The following ZNF547 variants were observed in gnomAD, a reference collection of about 807,000 sequenced individuals.
ZNF547 encodes zinc finger protein 547.
In ZNF547, 4 loss-of-function variants were observed where a neutral mutation model predicts 7.7. The ratio of observed to expected loss-of-function variants is 0.52; its 90% CI spans 0.26 to 1.20. The LOEUF (loss-of-function observed/expected upper bound fraction) is 1.20, where lower values mean the gene tolerates loss of function less well. Ranked by LOEUF, ZNF547 falls within the 50% of genes most tolerant of loss-of-function variation. The pLI is 0.14. For missense variants in ZNF547, 449 were observed against 485.8 expected (o/e 0.92, Z 0.71); for synonymous variants, 166 against 166.2 (o/e 1.00, Z 0.01).
rs1221162862 is a variant in ZNF547 at position 57,378,036 on chromosome 19, T to G, written c.1060T>G (p.Cys354Gly). ...RVHTGERPYE[C>G]SECGKAFLTK... is the part of the protein sequence containing the mutation. Reference sequence around the variant, plus strand: ...TCACACTGGAGAACGGCCTTATGAATGCAGTGAGTGTGGGAAGGCCTTCCT... The same window carrying G: ...TCACACTGGAGAACGGCCTTATGAAGGCAGTGAGTGTGGGAAGGCCTTCCT... The change falls in exon 4 of 4, where the codon TGC becomes GGC. Residue 354 changes from cysteine to glycine, a missense_variant. By Grantham distance (159) the Cys-to-Gly change is radical (BLOSUM62 -3). Coordinates refer to ENST00000282282, the MANE Select transcript of ZNF547 (RefSeq NM_173631.4). 7 of 1,614,150 alleles carry G rather than the reference T, an allele frequency of 4.3e-6. No homozygotes were observed. The highest frequency in any genetic ancestry group is 5.1e-6 in the Non-Finnish European group (6 of 1,180,026).
Position 57,378,048 on chromosome 19 carries a change from G to T in ZNF547, c.1072G>T (p.Gly358Trp). ...GERPYECSEC[G>W]KAFLTKSHLI... ...ACGGCCTTATGAATGCAGTGAGTGTGGGAAGGCCTTCCTTACAAAGTCCCA... is the reference window on the plus strand; with the variant it reads ...ACGGCCTTATGAATGCAGTGAGTGTTGGAAGGCCTTCCTTACAAAGTCCCA... Residue 358 changes from glycine to tryptophan, a missense_variant, in exon 4 of 4, where the codon GGG becomes TGG. Gly to Trp is a radical substitution (Grantham distance 184, BLOSUM62 -2). Coordinates refer to ENST00000282282, the MANE Select transcript of ZNF547 (RefSeq NM_173631.4). 6.2e-7 allele frequency: 1 copy of T among 1,614,088 alleles called. No individual in the cohort carries two copies. Among genetic ancestry groups the T allele is most frequent in the Non-Finnish European group, 8.5e-7 (1 of 1,180,018 alleles).
Position 57,371,831 on chromosome 19 carries a change from G to C in ZNF547, c.74G>C (p.Trp25Ser), listed in dbSNP as rs750936805. Residue 25 changes from tryptophan to serine, a missense_variant, in exon 3 of 4, where the codon TGG (tryptophan) becomes TCG (serine). Transcript: ENST00000282282. ...DVAIYFSQEE[W>S]GHLDEAQRLL... ...GCCATATATTTCTCCCAGGAGGAGT[G>C]GGGGCATCTCGATGAGGCTCAGAGA... 4 of 1,613,420 alleles carry C rather than the reference G, an allele frequency of 2.5e-6. No individual in the cohort carries two copies. Among genetic ancestry groups the C allele is most frequent in the South Asian group, 1.1e-5 (1 of 91,034 alleles).
rs554737042 is a variant in ZNF547, at chr19:57,378,287, C to T, written c.*102C>T. ...CTGGAGAAAGACTGAATGCCGTGAA[C>T]GTGGGTAATTATGTAGGTACAGCTC... On this transcript the variant is annotated 3_prime_UTR_variant, in exon 4 of 4. Coordinates refer to ENST00000282282, the MANE Select transcript of ZNF547 (RefSeq NM_173631.4). 127 of 1,084,034 alleles carry T rather than the reference C, an allele frequency of 1.2e-4. No homozygotes were observed. The highest frequency in any genetic ancestry group is 1.7e-4 in the East Asian group (7 of 40,724). The allele number at this position is 1,084,034 out of a possible 1,614,324, so 67.2% of individuals were successfully genotyped here. A position where few individuals can be genotyped will look rare whatever the true frequency, so the allele number is the denominator to read the frequency against.
rs551347309 is a variant in ZNF547 at position 57,367,563 on chromosome 19, A to G, written c.-12-981A>G. Among the ~76,000 whole-genome samples, 150 of 152,240 alleles carry G rather than the reference A, an allele frequency of 9.9e-4. 1 individual carries two copies. The highest frequency in any genetic ancestry group is 3.4e-3 in the African/African-American group (141 of 41,542). The stretch of plus-strand genomic sequence containing the variant: ...GAGAGAGCTGATACTTGGGGTTCAC[A>G]CCATAGGTGGAGCCATAAGCCAGAT... On this transcript the variant is annotated intron_variant, in intron 1 of 3. Coordinates refer to ENST00000282282, the MANE Select transcript of ZNF547 (RefSeq NM_173631.4).
intron 2 of ZNF547, chr19:57,371,527 G>A: frequency 2.4e-6 from 1 of 416,622 alleles, no homozygotes; most frequent in East Asian, 4.0e-5. Flanking sequence ...TGGGCTATTG[G>A]GACTGTCCCT....
In ZNF547 at chr19:57,377,377, C is replaced by G; in HGVS notation, c.401C>G (p.Ser134Cys). Residue 134 changes from serine to cysteine, a missense_variant, in exon 4 of 4, where the codon TCT (serine) becomes TGT (cysteine). Coordinates refer to ENST00000282282, the MANE Select transcript of ZNF547 (RefSeq NM_173631.4). ...AAGGAGCAGATTAGAGAGAAACTTT[C>G]TAGAGGGGATGGAGGAAGACCGACA... ...HQKEQIREKL[S>C]RGDGGRPTFV... 1 of 1,614,214 alleles carries G rather than the reference C, an allele frequency of 6.2e-7. No homozygotes were observed. The highest frequency in any genetic ancestry group is 8.5e-7 in the Non-Finnish European group (1 of 1,180,030).
intron 1 of ZNF547, among the ~76,000 whole-genome samples, chr19:57,365,873 T>TA (rs1028936699): frequency 5.4e-5 from 8 of 148,830 alleles, no homozygotes; most frequent in African/African-American, 2.1e-4. Context: ...TTTTTTTTTT[T>TA]TCTTTTGAGA....
At chr19:57,377,035 C>A in intron 3 of ZNF547, 93 bp from the exon 4 acceptor site, 1 of 1,294,294 alleles carries the variant, frequency 7.7e-7, no homozygotes, top group Non-Finnish European at 1.1e-6. Flanking sequence ...ATTCCATGAT[C>A]ATTTTCATGG....
chr19:57,364,684 T>C, intron 1 of ZNF547: 1 of 673,190 alleles, frequency 1.5e-6, no homozygotes, highest in South Asian at 1.8e-5. Flanking sequence ...GAGATTGCAG[T>C]GAGCCAAGAT....
Position 57,378,770 on chromosome 19 carries a change from T to C in ZNF547, c.*585T>C. ...GTCTTGTTTAATACTTGAAGTACATTAACATTGTTGAGCAAAGAATATCCT... is the reference window on the plus strand; with the variant it reads ...GTCTTGTTTAATACTTGAAGTACATCAACATTGTTGAGCAAAGAATATCCT... On this transcript the variant is annotated 3_prime_UTR_variant, in exon 4 of 4. Coordinates refer to ENST00000282282, the MANE Select transcript of ZNF547 (RefSeq NM_173631.4). 1 of 452,928 alleles carries C rather than the reference T, an allele frequency of 2.2e-6. No individual in the cohort carries two copies. Among genetic ancestry groups the C allele is most frequent in the South Asian group, 1.6e-5 (1 of 61,460 alleles). The allele number at this position is 452,928 out of a possible 1,614,324, so 28.1% of individuals were successfully genotyped here. A position where few individuals can be genotyped will look rare whatever the true frequency, so the allele number is the denominator to read the frequency against.
Position 57,378,709 on chromosome 19 carries a change from A to G in ZNF547, c.*524A>G, listed in dbSNP as rs2088555453. 2.5e-6 allele frequency: 1 copy of G among 407,384 alleles called. No homozygotes were observed. The highest frequency in any genetic ancestry group is 4.8e-6 in the Non-Finnish European group (1 of 208,498). The allele number at this position is 407,384 out of a possible 1,614,324, so 25.2% of individuals were successfully genotyped here. ...TTTTTAAAAAACAATGGTGAAGTACATGCCACATAAAATTTGCCATCTTAA... is the reference window on the plus strand; with the variant it reads ...TTTTTAAAAAACAATGGTGAAGTACGTGCCACATAAAATTTGCCATCTTAA... On this transcript the variant is annotated 3_prime_UTR_variant, in exon 4 of 4. Coordinates refer to ENST00000282282, the MANE Select transcript of ZNF547 (RefSeq NM_173631.4).
rs749189364 is a variant in ZNF547, at chr19:57,377,151, G to A, written c.175G>A (p.Glu59Lys). The A allele has an allele frequency of 1.2e-6, 2 of 1,613,724 alleles. No homozygotes were observed. Among genetic ancestry groups the A allele is most frequent in the South Asian group, 2.2e-5 (2 of 91,080 alleles). The change falls in exon 4 of 4, where the codon GAG becomes AAG. Residue 59 changes from glutamate to lysine, a missense_variant. Coordinates refer to ENST00000282282, the MANE Select transcript of ZNF547 (RefSeq NM_173631.4). ...SLGCCHGAEDEEAPLEPGVSV... is the reference protein window; with the variant it reads ...SLGCCHGAEDKEAPLEPGVSV... Reference sequence around the variant, plus strand: ...AGGTTGTTGCCATGGAGCTGAGGATGAGGAGGCACCTTTAGAGCCAGGTGT... The same window carrying A: ...AGGTTGTTGCCATGGAGCTGAGGATAAGGAGGCACCTTTAGAGCCAGGTGT...
At chr19:57,374,423 G>A (rs2088524059) in intron 3 of ZNF547, among the ~76,000 whole-genome samples, 1 of 152,182 alleles carries the variant, frequency 6.6e-6, no homozygotes, top group African/African-American at 2.4e-5. Flanking sequence ...TTCCCTCCTA[G>A]GCCTCTGGGC....
chr19:57,367,175 C>T (rs2088476052), intron 1 of ZNF547, among the ~76,000 whole-genome samples: 1 of 152,094 alleles, frequency 6.6e-6, no homozygotes, highest in South Asian at 2.1e-4. Context: ...TTGTACTCAG[C>T]CTTTTAGGCA....
At chr19:57,364,867 C>G (rs1337968699) in intron 1 of ZNF547, 1 of 1,611,188 alleles carries the variant, frequency 6.2e-7, no homozygotes, top group Admixed American at 1.7e-5. Context: ...AATTGTTGGT[C>G]ACCATGATAA....
In ZNF547 at chr19:57,372,964, T is replaced by C. The variant is rs548208671; in HGVS notation, c.151+1056T>C. ...GCACTGTACCCCTCTCTTGTGTTCT[T>C]ACCCATCATCAGGGCTCTCCCATTA... On this transcript the variant is annotated intron_variant, in intron 3 of 3. Coordinates refer to ENST00000282282, the MANE Select transcript of ZNF547 (RefSeq NM_173631.4). Among the ~76,000 whole-genome samples the C allele has an allele frequency of 4.6e-5, 7 of 152,372 alleles. No homozygotes were observed. In the South Asian group the frequency reaches 1.2e-3, roughly 27 times the overall value.
intron 1 of ZNF547, chr19:57,365,194 A>G: frequency 6.3e-7 from 1 of 1,591,738 alleles, no homozygotes; most frequent in South Asian, 1.1e-5. Context: ...CAATTCTCCT[A>G]TTCGATCAAG....
rs553921773 is a variant in ZNF547, at chr19:57,369,472, C to T, written c.24+893C>T. On this transcript the variant is annotated intron_variant, in intron 2 of 3. Transcript: ENST00000282282. ...CTGGTGGAGGAGTTCAGGTTGGAGA[C>T]GTCCACACTATGGTGGCTGTCGTAT... Among the ~76,000 whole-genome samples, 673 of 152,266 alleles carry T rather than the reference C, an allele frequency of 4.4e-3. 4 individuals are homozygous for T. The highest frequency in any genetic ancestry group is 5.6e-3 in the Non-Finnish European group (383 of 68,018).
chr19:57,368,980 G>C (rs2088488150), intron 2 of ZNF547, among the ~76,000 whole-genome samples: 1 of 152,160 alleles, frequency 6.6e-6, no homozygotes, highest in Non-Finnish European at 1.5e-5. Context: ...GGTGGCTAGA[G>C]ACACACAAAC....
Sources: gnomAD v4.1 joint callset for allele counts (sites outside exome capture counted in the v4.1 genomes callset) on GRCh38, gnomAD v4.1.1 for gene constraint, MANE v1.5 for transcripts, NCBI Gene and HGNC (gene_info 2026-07-23, HGNC 2026-07-21) for gene names.